COG5: variants seen among roughly 807,000 people sequenced by gnomAD.
The protein encoded by COG5 is conserved oligomeric Golgi complex subunit 5.
Under a neutral mutation model 110.4 loss-of-function variants are expected in COG5, and 86 were observed. The observed-to-expected ratio is 0.78, with a 90% confidence interval of 0.65 to 0.93. COG5 has a LOEUF of 0.93. COG5 is among the 40% of genes least tolerant of loss of function. The probability of loss-of-function intolerance (pLI) is 0.00; values close to 1 mark genes in which losing one functional copy is unlikely to be tolerated. For missense variants in COG5, 1,077 were observed against 987.0 expected, an observed-to-expected ratio of 1.09 and a Z score of -1.22; for synonymous variants, 360 against 334.6, an observed-to-expected ratio of 1.08 and a Z score of -0.83.
intron 7 of COG5, among the ~76,000 whole-genome samples, chr7:107,376,193 G>A (rs1313491175): frequency 6.6e-6 from 1 of 151,936 alleles, no homozygotes; most frequent in Non-Finnish European, 1.5e-5. Context: ...CTAAATTACT[G>A]TAGCTTTAAA....
intron 6 of COG5, among the ~76,000 whole-genome samples, chr7:107,496,949 C>A (rs778990546): frequency 4.6e-5 from 7 of 152,158 alleles, no homozygotes; most frequent in Non-Finnish European, 1.0e-4. Flanking sequence ...GTGGCTCACA[C>A]TTATAATCCC....
chr7:107,264,722 C>G, intron 14 of COG5, among the ~76,000 whole-genome samples: 1 of 151,652 alleles, frequency 6.6e-6, no homozygotes, highest in Non-Finnish European at 1.5e-5. Flanking sequence ...AAAACGAACC[C>G]CAGAAAATGG....
intron 10 of COG5, among the ~76,000 whole-genome samples, chr7:107,350,129 G>C (rs1217796456): frequency 6.6e-6 from 1 of 152,186 alleles, no homozygotes; most frequent in Non-Finnish European, 1.5e-5. Flanking sequence ...CATGTATTGA[G>C]AGGATCATAC....
At chr7:107,396,169 A>C (rs1409691195) in intron 7 of COG5, among the ~76,000 whole-genome samples, 2 of 152,160 alleles carry the variant, frequency 1.3e-5, no homozygotes, top group African/African-American at 4.8e-5. Flanking sequence ...AACTTAATGG[A>C]GCTCCATGGG....
At chr7:107,372,380 AT>A in intron 8 of COG5, among the ~76,000 whole-genome samples, 1 of 152,284 alleles carries the variant, frequency 6.6e-6, no homozygotes, top group Middle Eastern at 3.4e-3. Context: ...ATGGATCTTT[AT>A]CTAGAAGTTC....
At chr7:107,299,516 T>C (rs1302298494) in intron 11 of COG5, among the ~76,000 whole-genome samples, 5 of 152,036 alleles carry the variant, frequency 3.3e-5, no homozygotes, top group Non-Finnish European at 7.4e-5. Context: ...CTATACTTGT[T>C]GATTCTTTTA....
In COG5 at chr7:107,412,632, T is replaced by C. The variant is rs761737431; in HGVS notation, c.539A>G (p.Asp180Gly). The C allele has an allele frequency of 6.6e-7, 1 of 1,516,030 alleles. No homozygotes were observed. Among genetic ancestry groups the C allele is most frequent in the Non-Finnish European group, 9.1e-7 (1 of 1,094,754 alleles). The allele number at this position is 1,516,030 out of a possible 1,614,324, so 93.9% of individuals were successfully genotyped here. A position where few individuals can be genotyped will look rare whatever the true frequency, so the allele number is the denominator to read the frequency against. The part of the protein sequence containing the change: ...TKAAQSLNEL[D>G]YLSQGIDLSG... ...AAGATCTATTCCTTGAGAAAGATAA[T>C]CTGTTTAAAACAAAAACATACACAT... Residue 180 changes from aspartate (D) to glycine (G), a missense_variant and splice_region_variant, in exon 7 of 22, where the codon GAT (aspartate) becomes GGT (glycine). Coordinates refer to ENST00000297135, the MANE Select transcript of COG5 (RefSeq NM_006348.5).
Position 107,256,758 on chromosome 7 carries a change from C to T in COG5, c.1723G>A (p.Glu575Lys). Residue 575 changes from glutamate to lysine, a missense_variant, in exon 16 of 22, where the codon GAG becomes AAG. By Grantham distance (56) the Glu-to-Lys change is moderately conservative. Transcript: ENST00000297135. ...SSQSSFPLAA[E>K]QTIISALKAI... is the part of the protein sequence containing the mutation. The stretch of plus-strand genomic sequence containing the variant: ...TTTAGAGCTGAAATTATAGTTTGCT[C>T]AGCTGCCAGTGGGAATGAGCTCTGA... 6.2e-7 allele frequency: 1 copy of T among 1,611,074 alleles called. No individual in the cohort carries two copies. Among genetic ancestry groups the T allele is most frequent in the Non-Finnish European group, 8.5e-7 (1 of 1,178,034 alleles).
intron 19 of COG5, among the ~76,000 whole-genome samples, chr7:107,230,355 C>T (rs924849619): frequency 2.6e-5 from 4 of 151,930 alleles, no homozygotes; most frequent in Non-Finnish European, 4.4e-5. Context: ...AAAAAAAATT[C>T]TCCCCAAGAA....
intron 6 of COG5, among the ~76,000 whole-genome samples, chr7:107,456,845 G>GCAT (rs1032747014): frequency 6.6e-6 from 1 of 152,176 alleles, no homozygotes; most frequent in Non-Finnish European, 1.5e-5. Flanking sequence ...AATAACAGGA[G>GCAT]CATTCAATAT....
chr7:107,417,369 T>C (rs1183235024), intron 6 of COG5, among the ~76,000 whole-genome samples: 2 of 152,212 alleles, frequency 1.3e-5, no homozygotes, highest in Admixed American at 6.5e-5. Context: ...ATTAACTTAA[T>C]GTTACATACA....
rs961169372 is a variant in COG5, at chr7:107,367,032, A to AT, written c.836-4613dup. On this transcript the variant is annotated intron_variant, in intron 8 of 21. Transcript: ENST00000297135. ...AAATCTAAGCTATGCCTTTCGGTGT[A>AT]TTTTTTTTTAACAGTAATAAAACTA... Among the ~76,000 whole-genome samples, 172 of 151,268 alleles carry AT rather than the reference A, an allele frequency of 1.1e-3. 1 individual carries two copies. Among genetic ancestry groups the AT allele is most frequent in the African/African-American group, 3.6e-3 (147 of 41,314 alleles).
intron 6 of COG5, among the ~76,000 whole-genome samples, chr7:107,503,540 A>C (rs1358864243): frequency 6.6e-6 from 1 of 152,012 alleles, no homozygotes; most frequent in Non-Finnish European, 1.5e-5. Flanking sequence ...GGTGAAAAAT[A>C]ATGTTGGTAT....
intron 11 of COG5, among the ~76,000 whole-genome samples, chr7:107,313,044 A>G (rs1444099995): frequency 6.6e-6 from 1 of 152,164 alleles, no homozygotes; most frequent in Non-Finnish European, 1.5e-5. Flanking sequence ...TTAGGAAACA[A>G]AAGACCAGCT....
intron 6 of COG5, among the ~76,000 whole-genome samples, chr7:107,449,693 T>G (rs977322488): frequency 6.6e-6 from 1 of 152,206 alleles, no homozygotes; most frequent in African/African-American, 2.4e-5. Flanking sequence ...AAAGCTGAAT[T>G]GCTTGATATG....
In COG5 at chr7:107,202,297, TC is replaced by T. The variant is rs1798390311; in HGVS notation, c.*1218del. On this transcript the variant is annotated 3_prime_UTR_variant, in exon 22 of 22. Coordinates refer to ENST00000297135, the MANE Select transcript of COG5 (RefSeq NM_006348.5). ...CAGTGCAACACTTGCACTTTAATTT[TC>T]CTCCAACTGTCTAAAATTAGAGCAA... The T allele has an allele frequency of 2.0e-5, 3 of 152,632 alleles. No homozygotes were observed. The highest frequency in any genetic ancestry group is 4.4e-5 in the Non-Finnish European group (3 of 68,040). The allele number at this position is 152,632 out of a possible 1,614,324, so 9.5% of individuals were successfully genotyped here.
chr7:107,206,583 G>T lies in COG5; in HGVS notation c.2376-2953C>A, dbSNP rs142960568. Among the ~76,000 whole-genome samples the T allele has an allele frequency of 3.3e-3, 505 of 152,258 alleles. 4 individuals are homozygous for T. Among genetic ancestry groups the T allele is most frequent in the African/African-American group, 0.012 (481 of 41,534 alleles). ...GGCTCATCTGTCTTTAAGACACCAA[G>T]GTGTATGTATCAGCGTATAAGAAGT... is the stretch of plus-strand genomic sequence containing the variant. On this transcript the variant is annotated intron_variant, in intron 21 of 21. Transcript: ENST00000297135.
intron 7 of COG5, among the ~76,000 whole-genome samples, chr7:107,379,040 A>G (rs1814874286): frequency 6.6e-6 from 1 of 152,226 alleles, no homozygotes; most frequent in South Asian, 2.1e-4. Context: ...GGTTACCCAC[A>G]AAGGGAAGCC....
chr7:107,240,468 G>A (rs534252852), intron 17 of COG5, among the ~76,000 whole-genome samples: 5 of 152,196 alleles, frequency 3.3e-5, no homozygotes, highest in South Asian at 4.1e-4. Flanking sequence ...TGCCTGCCTC[G>A]GCCTCCGAAA....
Sources: allele counts gnomAD v4.1 joint callset (sites outside exome capture counted in the v4.1 genomes callset), GRCh38; gene constraint gnomAD v4.1.1; transcripts MANE v1.5; gene names NCBI Gene and HGNC (gene_info 2026-07-23, HGNC 2026-07-21).